The following MGAT4D variants were observed in gnomAD, a reference collection of about 807,000 sequenced individuals.
The protein encoded by MGAT4D is MGAT4 family member D.
Under a neutral mutation model 15.9 loss-of-function variants are expected in MGAT4D, and 34 were observed. The observed-to-expected ratio is 2.14, with a 90% CI of 1.62 to 2.84. The LOEUF (loss-of-function observed/expected upper bound fraction) is 2.84. Ranked by LOEUF, MGAT4D falls within the 30% of genes most tolerant of loss-of-function variation. The probability of loss-of-function intolerance (pLI) is 0.00; values close to 1 mark genes in which losing one functional copy is unlikely to be tolerated. For missense variants in MGAT4D, 327 were observed against 140.2 expected (o/e 2.33, Z -6.73); for synonymous variants, 112 against 48.2 (o/e 2.33, Z -5.49).
intron 5 of MGAT4D, 98 bp downstream of exon 5, chr4:140,471,677 A>G (rs1731968794): frequency 6.4e-6 from 2 of 314,290 alleles, no homozygotes; most frequent in Non-Finnish European, 1.2e-5. Context: ...ATTAAAAAGA[A>G]TATGATCACT....
At chr4:140,456,784 G>A (rs774869904) in intron 8 of MGAT4D, 65 bp from the exon 9 acceptor site, 7 of 541,656 alleles carry the variant, frequency 1.3e-5, no homozygotes, top group Non-Finnish European at 2.0e-5. Flanking sequence ...TTTAACATGG[G>A]AAAAAGCAAA....
rs140342253 is a variant in MGAT4D at position 140,470,216 on chromosome 4, A to G, written c.572+1559T>C. On this transcript the variant is annotated intron_variant, in intron 5 of 10. Coordinates refer to ENST00000511113, the MANE Select transcript of MGAT4D (RefSeq NM_001277353.2). ...TTGTGTGAAATTGCCTGTTTCCTCT[A>G]TTTGAACGACCAGGAGTTTTCCTGT... Among the ~76,000 whole-genome samples the G allele has an allele frequency of 5.8e-3, 889 of 152,264 alleles. 13 individuals are homozygous for G. The highest frequency in any genetic ancestry group is 0.02 in the African/African-American group (841 of 41,552).
chr4:140,448,387 C>A (rs956200615), intron 10 of MGAT4D, among the ~76,000 whole-genome samples: 2 of 152,050 alleles, frequency 1.3e-5, no homozygotes, highest in East Asian at 3.9e-4. Context: ...TTCTTGGAGG[C>A]TTTGTTTATT....
At chr4:140,469,301 T>C (rs771353259) in intron 5 of MGAT4D, among the ~76,000 whole-genome samples, 1 of 152,220 alleles carries the variant, frequency 6.6e-6, no homozygotes, top group African/African-American at 2.4e-5. Context: ...TTAAGTATTT[T>C]AAAACAAATG....
intron 8 of MGAT4D, 96 bp downstream of exon 8, chr4:140,459,416 T>G: frequency 2.8e-6 from 1 of 363,086 alleles, no homozygotes; most frequent in Non-Finnish European, 5.0e-6. Context: ...GCCATTCTTT[T>G]TCATTTAGTA....
rs544416554 is a variant in MGAT4D, at chr4:140,467,247, G to A, written c.573-2238C>T. 1.4e-4 allele frequency among the ~76,000 whole-genome samples: 21 copies of A among 151,628 alleles called. No individual in the cohort carries two copies. In the South Asian group the frequency reaches 2.1e-3, roughly 15 times the overall value. On this transcript the variant is annotated intron_variant, in intron 5 of 10. Transcript: ENST00000511113. Reference sequence around the variant, plus strand: ...TCCTTGGGGAATAGAAAATACTGGCGTAGAAAAAAAAAGAATGGAGAGTTT... The same window carrying A: ...TCCTTGGGGAATAGAAAATACTGGCATAGAAAAAAAAAGAATGGAGAGTTT...
In MGAT4D at chr4:140,465,006, G is replaced by T; in HGVS notation, c.576C>A (p.Phe192Leu). The change falls in exon 6 of 11, where the codon TTC becomes TTA. Residue 192 changes from phenylalanine (F) to leucine (L), a missense_variant. Physicochemically the swap from Phe to Leu is conservative, Grantham distance 22. Coordinates refer to ENST00000511113, the MANE Select transcript of MGAT4D (RefSeq NM_001277353.2). ...AGGATCCAGACCTCACTTGCCTTTT[G>T]AATCTATAAATAGAAGTAAATGCAG... is the stretch of plus-strand genomic sequence containing the variant. ...HSVVKMITKK[F>L]KRQVRSGSLE... 1.4e-6 allele frequency: 1 copy of T among 700,632 alleles called. No individual in the cohort carries two copies. Among genetic ancestry groups the T allele is most frequent in the South Asian group, 1.5e-5 (1 of 66,986 alleles). 43.4% of individuals were successfully genotyped at this position (700,632 alleles called of 1,614,324 possible).
chr4:140,444,338 G>A (rs62347451), intron 10 of MGAT4D, among the ~76,000 whole-genome samples: 3,633 of 152,192 alleles, frequency 0.024, 63 homozygotes, highest in Non-Finnish European at 0.039. Context: ...CATAGTACCC[G>A]ATAGTTATTT....
intron 9 of MGAT4D, among the ~76,000 whole-genome samples, chr4:140,451,785 CTT>C (rs1730488834): frequency 6.6e-6 from 1 of 152,076 alleles, no homozygotes; most frequent in Non-Finnish European, 1.5e-5. Flanking sequence ...TATTTCCTCT[CTT>C]TCTTTTAATT....
chr4:140,470,732 T>C (rs892304271), intron 5 of MGAT4D, among the ~76,000 whole-genome samples: 1 of 152,220 alleles, frequency 6.6e-6, no homozygotes, highest in Non-Finnish European at 1.5e-5. Flanking sequence ...GTCTACTTAT[T>C]CCTTCAGATT....
chr4:140,460,574 G>A (rs1269954657), intron 7 of MGAT4D, among the ~76,000 whole-genome samples: 1 of 152,146 alleles, frequency 6.6e-6, no homozygotes, highest in Non-Finnish European at 1.5e-5. Context: ...CGTGGCTCAC[G>A]CCTATAGTCC....
chr4:140,464,946 T>A lies in MGAT4D; in HGVS notation c.636A>T (p.Ser212=). The change falls in exon 6 of 11, where the codon TCA becomes TCT. Residue 212 remains serine (S), a synonymous_variant. Coordinates refer to ENST00000511113, the MANE Select transcript of MGAT4D (RefSeq NM_001277353.2). ...CTAAGTGCTTGGCATTTAACATGCT[T>A]GAGTATAAAAAGGCAGGTATTGAAA... ...EVISIPAFLY[S]SMLNAKHLAE... 1.4e-6 allele frequency: 1 copy of A among 702,876 alleles called. No homozygotes were observed. Among genetic ancestry groups the A allele is most frequent in the African/African-American group, 1.7e-5 (1 of 57,374 alleles). 43.5% of individuals were successfully genotyped at this position (702,876 alleles called of 1,614,324 possible). A position where few individuals can be genotyped will look rare whatever the true frequency, so the allele number is the denominator to read the frequency against.
At chr4:140,456,761 A>G (rs1280416158) in intron 8 of MGAT4D, 42 bp from the exon 9 acceptor site, 5 of 602,530 alleles carry the variant, frequency 8.3e-6, no homozygotes, top group Admixed American at 2.8e-5. Context: ...ATTCATATGT[A>G]GTTGTTCATT....
chr4:140,461,367 T>C (rs530801171), intron 7 of MGAT4D, among the ~76,000 whole-genome samples: 5 of 152,326 alleles, frequency 3.3e-5, no homozygotes, highest in Non-Finnish European at 5.9e-5. Flanking sequence ...ACATTGTCTA[T>C]GTAGTGTGGT....
chr4:140,498,092 G>A lies in MGAT4D; in HGVS notation c.94+37C>T, dbSNP rs1332865824. 4.3e-6 allele frequency: 3 copies of A among 694,426 alleles called. No individual in the cohort carries two copies. The African/African-American group carries it at 5.3e-5, about 12-fold the overall frequency. 43.0% of individuals were successfully genotyped at this position (694,426 alleles called of 1,614,324 possible). The stretch of plus-strand genomic sequence containing the variant: ...ATTCCTGCAGCCCCGAAGCCCCCGC[G>A]GCGGGAAAGGAGGCGGGAGGAGGGC... On this transcript the variant is annotated intron_variant, in intron 1 of 10. Transcript: ENST00000511113.
chr4:140,488,268 T>C lies in MGAT4D; in HGVS notation c.95-5783A>G, dbSNP rs79990453. Among the ~76,000 whole-genome samples, 3,192 of 152,244 alleles carry C rather than the reference T, an allele frequency of 0.021. 163 individuals carry two copies. The East Asian group carries it at 0.23, about 11-fold the overall frequency. On this transcript the variant is annotated intron_variant, in intron 1 of 10. Coordinates refer to ENST00000511113, the MANE Select transcript of MGAT4D (RefSeq NM_001277353.2). The stretch of plus-strand genomic sequence containing the variant: ...CACTTCATTCACTAAACACCTCCAG[T>C]AGCAAGAAGCATGCTGAGATTTCTA...
Position 140,473,851 on chromosome 4 carries a change from A to G in MGAT4D, c.525+962T>C, listed in dbSNP as rs76590341. On this transcript the variant is annotated intron_variant, in intron 4 of 10. Coordinates refer to ENST00000511113, the MANE Select transcript of MGAT4D (RefSeq NM_001277353.2). Reference sequence around the variant, plus strand: ...GTAGCTGGGACTACAGGTGCACACCATCATTTCTAGCTAAGCATTTTTTTT... The same window carrying G: ...GTAGCTGGGACTACAGGTGCACACCGTCATTTCTAGCTAAGCATTTTTTTT... Among the ~76,000 whole-genome samples the G allele has an allele frequency of 0.01, 1,465 of 145,618 alleles. 125 individuals carry two copies. In the East Asian group the frequency reaches 0.24, roughly 24 times the overall value.
intron 7 of MGAT4D, among the ~76,000 whole-genome samples, chr4:140,460,450 T>C (rs67942567): frequency 0.12 from 18,283 of 152,218 alleles, 1,183 homozygotes; most frequent in Admixed American, 0.19. Context: ...ACGAATCCCA[T>C]TTATGAGGCT....
In MGAT4D at chr4:140,460,642, C is replaced by A. The variant is rs1314119796; in HGVS notation, c.763-1016G>T. 2.0e-5 allele frequency among the ~76,000 whole-genome samples: 3 copies of A among 152,248 alleles called. No individual in the cohort carries two copies. The East Asian group carries it at 5.8e-4, about 29-fold the overall frequency. On this transcript the variant is annotated intron_variant, in intron 7 of 10. Coordinates refer to ENST00000511113, the MANE Select transcript of MGAT4D (RefSeq NM_001277353.2). Reference sequence around the variant, plus strand: ...CTTGAGCCCAGGAGTTTGAGACCAGCCTGGGCAACATGGCCAAACCCTGCC... The same window carrying A: ...CTTGAGCCCAGGAGTTTGAGACCAGACTGGGCAACATGGCCAAACCCTGCC...
Sources: allele counts gnomAD v4.1 joint callset (sites outside exome capture counted in the v4.1 genomes callset), GRCh38; gene constraint gnomAD v4.1.1; transcripts MANE v1.5; gene names NCBI Gene and HGNC (gene_info 2026-07-23, HGNC 2026-07-21).